Variants in NSUN3 observed in about 807,000 individuals in gnomAD.
The protein encoded by NSUN3 is tRNA (cytosine(34)-C(5))-methyltransferase, mitochondrial.
A neutral mutation model predicts 36.8 loss-of-function variants in NSUN3; 24 were observed. The ratio of observed to expected loss-of-function variants is 0.65; its 90% CI spans 0.47 to 0.92. The LOEUF (loss-of-function observed/expected upper bound fraction) is 0.92, where lower values mean the gene tolerates loss of function less well. Ranked by LOEUF, NSUN3 falls within the 40% of genes least tolerant of loss-of-function variation. The pLI is 0.00. For missense variants in NSUN3, 381 were observed against 392.8 expected (o/e 0.97, Z 0.25); for synonymous variants, 146 against 145.2 (o/e 1.01, Z -0.04).
chr3:94,108,696 T>C (rs1271975945), intron 5 of NSUN3, among the ~76,000 whole-genome samples: 1 of 151,870 alleles, frequency 6.6e-6, no homozygotes, highest in East Asian at 1.9e-4. Context: ...TCTTGCTCTG[T>C]TGCCCAGGCT....
intron 5 of NSUN3, among the ~76,000 whole-genome samples, chr3:94,100,381 AAGAT>A (rs1372927560): frequency 1.3e-5 from 2 of 152,216 alleles, no homozygotes; most frequent in African/African-American, 2.4e-5. Flanking sequence ...CAGAAACAGA[AAGAT>A]AGATACCATA....
rs568264357 is a variant in NSUN3, at chr3:94,099,252, A to G, written c.743+4098A>G. Among the ~76,000 whole-genome samples the G allele has an allele frequency of 2.9e-3, 439 of 152,302 alleles. 1 individual carries two copies. The highest frequency in any genetic ancestry group is 0.01 in the African/African-American group (416 of 41,566). On this transcript the variant is annotated intron_variant, in intron 5 of 5. Transcript: ENST00000314622. ...AGTTTAGTTTTTTTTAAATCATTTA[A>G]TAAGCTTTTCTTAATATCGTATAGC...
At chr3:94,092,349 T>C (rs2077318759) in intron 3 of NSUN3, among the ~76,000 whole-genome samples, 1 of 152,152 alleles carries the variant, frequency 6.6e-6, no homozygotes, top group Non-Finnish European at 1.5e-5. Context: ...ACTTCCATGA[T>C]TTACTTCCTT....
intron 2 of NSUN3, among the ~76,000 whole-genome samples, chr3:94,081,388 T>C (rs2077268172): frequency 6.6e-6 from 1 of 152,230 alleles, no homozygotes; most frequent in Non-Finnish European, 1.5e-5. Flanking sequence ...TACATGTCTT[T>C]AAATCTGATT....
At chr3:94,096,660 G>C (rs2077341870) in intron 5 of NSUN3, among the ~76,000 whole-genome samples, 1 of 151,958 alleles carries the variant, frequency 6.6e-6, no homozygotes, top group Non-Finnish European at 1.5e-5. Flanking sequence ...AACCATGCCT[G>C]GCTAATTTTT....
chr3:94,100,340 A>G (rs1251743066), intron 5 of NSUN3, among the ~76,000 whole-genome samples: 1 of 152,220 alleles, frequency 6.6e-6, no homozygotes, highest in Non-Finnish European at 1.5e-5. Flanking sequence ...CATAGGTGGG[A>G]CAGTAGGGCA....
intron 3 of NSUN3, among the ~76,000 whole-genome samples, chr3:94,085,641 C>T (rs2077289785): frequency 6.6e-6 from 1 of 152,060 alleles, no homozygotes; most frequent in Admixed American, 6.6e-5. Context: ...TGTCTGTAGT[C>T]CCAGCTACTC....
At chr3:94,064,353 T>C in intron 1 of NSUN3, 84 bp from the exon 2 acceptor site, 1 of 804,102 alleles carries the variant, frequency 1.2e-6, no homozygotes, top group South Asian at 1.5e-5. Context: ...AGTGTTCTTG[T>C]CTTAAAAAAA....
At chr3:94,104,131 G>A (rs1394515670) in intron 5 of NSUN3, among the ~76,000 whole-genome samples, 5 of 152,114 alleles carry the variant, frequency 3.3e-5, no homozygotes, top group South Asian at 4.1e-4. Context: ...GAGATACCAC[G>A]TATCAACTTC....
intron 2 of NSUN3, among the ~76,000 whole-genome samples, chr3:94,069,398 TAA>T (rs992795673): frequency 6.6e-6 from 1 of 152,236 alleles, no homozygotes; most frequent in African/African-American, 2.4e-5. Flanking sequence ...TTCTAACTTT[TAA>T]AAGAGTTGAA....
chr3:94,065,662 C>T (rs568999912), intron 2 of NSUN3, among the ~76,000 whole-genome samples: 7 of 152,220 alleles, frequency 4.6e-5, no homozygotes, highest in African/African-American at 1.7e-4. Context: ...AATTTTAGGA[C>T]AATTAAGCTG....
chr3:94,065,532 A>AT (rs1328482570), intron 2 of NSUN3, among the ~76,000 whole-genome samples: 1 of 152,112 alleles, frequency 6.6e-6, no homozygotes, highest in Non-Finnish European at 1.5e-5. Context: ...TGGCTTGTCC[A>AT]TTTTTTTCTT....
At chr3:94,105,940 A>G (rs1365072473) in intron 5 of NSUN3, among the ~76,000 whole-genome samples, 1 of 150,806 alleles carries the variant, frequency 6.6e-6, no homozygotes, top group Non-Finnish European at 1.5e-5. Flanking sequence ...CAAAGACCCT[A>G]CCTTGAAGTT....
chr3:94,077,044 C>T (rs1433756659), intron 2 of NSUN3: 3 of 804,942 alleles, frequency 3.7e-6, no homozygotes, highest in Non-Finnish European at 6.8e-6. Context: ...GGCAGTTAGG[C>T]TGGGCCACTC....
At chr3:94,110,458 G>T (rs1279214955) in intron 5 of NSUN3, among the ~76,000 whole-genome samples, 1 of 151,938 alleles carries the variant, frequency 6.6e-6, no homozygotes, top group African/African-American at 2.4e-5. Context: ...AGTAGGCTTG[G>T]ATTTCAACAC....
chr3:94,087,295 A>G (rs756772973), intron 3 of NSUN3, among the ~76,000 whole-genome samples: 1 of 152,250 alleles, frequency 6.6e-6, no homozygotes, highest in African/African-American at 2.4e-5. Flanking sequence ...AAAATGTAAA[A>G]TGATGGCTGC....
At chr3:94,117,174 A>AT (rs753582875) in intron 5 of NSUN3, among the ~76,000 whole-genome samples, 1 of 151,512 alleles carries the variant, frequency 6.6e-6, no homozygotes, top group Non-Finnish European at 1.5e-5. Flanking sequence ...AATTTCTCAT[A>AT]TTTTTGGTAG....
At position 94,064,464 on chromosome 3, in the gene NSUN3, G is replaced by A; in HGVS notation, c.40G>A (p.Ala14Thr). ...QLKAKSEGKL[A>T]KQICKVVLDH... is the part of the protein sequence containing the mutation. ...GAAAGCAAAATCAGAGGGGAAGCTT[G>A]CAAAACAGATTTGCAAAGTTGTGTT... is the stretch of plus-strand genomic sequence containing the variant. The change falls in exon 2 of 6, where the codon GCA becomes ACA. Residue 14 changes from alanine to threonine, a missense_variant. Transcript: ENST00000314622. 5 of 1,613,778 alleles carry A rather than the reference G, an allele frequency of 3.1e-6. No individual in the cohort carries two copies. Among genetic ancestry groups the A allele is most frequent in the South Asian group, 1.1e-5 (1 of 91,062 alleles).
chr3:94,067,432 C>A (rs773905666), intron 2 of NSUN3, among the ~76,000 whole-genome samples: 3 of 152,128 alleles, frequency 2.0e-5, no homozygotes, highest in South Asian at 2.1e-4. Context: ...AATAATCAAA[C>A]CTGAGAGTCA....
Sources: allele counts gnomAD v4.1 joint callset (sites outside exome capture counted in the v4.1 genomes callset), GRCh38; gene constraint gnomAD v4.1.1; transcripts MANE v1.5; gene names NCBI Gene and HGNC (gene_info 2026-07-23, HGNC 2026-07-21).